The following RNF180 variants were observed in gnomAD, a reference collection of about 807,000 sequenced individuals.
The protein encoded by RNF180 is E3 ubiquitin-protein ligase RNF180.
A neutral mutation model predicts 59.2 loss-of-function variants in RNF180; 38 were observed. That is an observed-to-expected ratio of 0.64 (90% CI 0.50 to 0.84). The LOEUF is 0.84. Among genes scored for constraint, RNF180 ranks in the 40% least tolerant of loss-of-function variants. The pLI is 0.00. For missense variants in RNF180, 705 were observed against 700.9 expected (o/e 1.01, Z -0.07); for synonymous variants, 262 against 240.3 (o/e 1.09, Z -0.84).
intron 7 of RNF180, among the ~76,000 whole-genome samples, chr5:64,356,698 C>T (rs1258551770): frequency 6.6e-6 from 1 of 151,782 alleles, no homozygotes; most frequent in Non-Finnish European, 1.5e-5. Context: ...CTGATACATA[C>T]TGCAATATGG....
intron 5 of RNF180, among the ~76,000 whole-genome samples, chr5:64,287,743 G>T (rs902805707): frequency 3.3e-5 from 5 of 152,016 alleles, no homozygotes; most frequent in African/African-American, 1.2e-4. Flanking sequence ...GTCTGTTTAT[G>T]TCCTTTGCCC....
intron 5 of RNF180, among the ~76,000 whole-genome samples, chr5:64,249,292 CAGAG>C (rs777064184): frequency 2.9e-4 from 44 of 152,116 alleles, no homozygotes; most frequent in Middle Eastern, 6.8e-3. Flanking sequence ...AACTTAAAGA[CAGAG>C]AGGATTCTAA....
chr5:64,364,950 C>A (rs1746392333), intron 7 of RNF180, among the ~76,000 whole-genome samples: 1 of 149,602 alleles, frequency 6.7e-6, no homozygotes, highest in Admixed American at 6.7e-5. Context: ...TTACTTGGAT[C>A]TTCTCTTTTA....
intron 5 of RNF180, among the ~76,000 whole-genome samples, chr5:64,280,587 G>A: frequency 6.8e-6 from 1 of 146,626 alleles, no homozygotes; most frequent in Non-Finnish European, 1.5e-5. Flanking sequence ...TTTTTTTTTT[G>A]TCGACTTTGT....
chr5:64,193,212 A>G (rs1192993541), intron 1 of RNF180, among the ~76,000 whole-genome samples: 1 of 151,954 alleles, frequency 6.6e-6, no homozygotes, highest in Non-Finnish European at 1.5e-5. Context: ...CTGATGTGCA[A>G]TATATTACCT....
chr5:64,350,881 T>A (rs1012491163), intron 7 of RNF180, among the ~76,000 whole-genome samples: 3 of 152,204 alleles, frequency 2.0e-5, no homozygotes, highest in Non-Finnish European at 4.4e-5. Context: ...AGGATTGACT[T>A]GGCAATGCGG....
At chr5:64,361,380 G>T (rs1490809133) in intron 7 of RNF180, among the ~76,000 whole-genome samples, 1 of 151,400 alleles carries the variant, frequency 6.6e-6, no homozygotes, top group African/African-American at 2.4e-5. Flanking sequence ...AAATTCACAA[G>T]TTGAATTTAT....
intron 1 of RNF180, among the ~76,000 whole-genome samples, chr5:64,196,433 G>A (rs1751461533): frequency 6.6e-6 from 1 of 151,818 alleles, no homozygotes; most frequent in South Asian, 2.1e-4. Context: ...GGTGTTTTTT[G>A]GTTTTGTTTT....
chr5:64,278,779 CTATT>C (rs1428726057), intron 5 of RNF180, among the ~76,000 whole-genome samples: 4 of 152,018 alleles, frequency 2.6e-5, no homozygotes, highest in South Asian at 2.1e-4. Context: ...AGATGGATAT[CTATT>C]TATTTAAATT....
chr5:64,258,441 G>C (rs1052762512), intron 5 of RNF180, among the ~76,000 whole-genome samples: 1 of 152,148 alleles, frequency 6.6e-6, no homozygotes, highest in Non-Finnish European at 1.5e-5. Flanking sequence ...AAAATGATAT[G>C]ATGCATTGAC....
At chr5:64,345,248 GCTTA>G (rs1382872316) in intron 7 of RNF180, among the ~76,000 whole-genome samples, 2 of 152,072 alleles carry the variant, frequency 1.3e-5, no homozygotes, top group East Asian at 3.9e-4. Context: ...AGCACCTTTG[GCTTA>G]CTTATATATG....
At chr5:64,293,253 G>A (rs1177339351) in intron 5 of RNF180, among the ~76,000 whole-genome samples, 1 of 152,110 alleles carries the variant, frequency 6.6e-6, no homozygotes, top group Non-Finnish European at 1.5e-5. Flanking sequence ...GCTCCTGGGG[G>A]GGCTGTTGTC....
Position 64,179,441 on chromosome 5 carries a change from A to G in RNF180, c.-1+13488A>G, listed in dbSNP as rs947209233. Among the ~76,000 whole-genome samples, 12 of 84,124 alleles carry G rather than the reference A, an allele frequency of 1.4e-4. No homozygotes were observed. In the South Asian group the frequency reaches 3.2e-3, roughly 23 times the overall value. 55.2% of individuals were successfully genotyped at this position (84,124 alleles called of 152,430 possible). ...GCATGTTCTTATGCTTTTGCTACACATGCATGTATCAATAAACAAAATATT... is the reference window on the plus strand; with the variant it reads ...GCATGTTCTTATGCTTTTGCTACACGTGCATGTATCAATAAACAAAATATT... On this transcript the variant is annotated intron_variant, in intron 1 of 7. Coordinates refer to ENST00000389100, the MANE Select transcript of RNF180 (RefSeq NM_001113561.2).
intron 5 of RNF180, among the ~76,000 whole-genome samples, chr5:64,220,515 G>A (rs537345932): frequency 2.6e-5 from 4 of 151,824 alleles, no homozygotes; most frequent in Admixed American, 6.6e-5. Flanking sequence ...AGTGTATTCA[G>A]GAAATTGCCA....
intron 5 of RNF180, among the ~76,000 whole-genome samples, chr5:64,270,048 C>CAA (rs377664854): frequency 0.069 from 10,271 of 149,578 alleles, 501 homozygotes; most frequent in South Asian, 0.15. Context: ...CACACACACA[C>CAA]AAAAGCCTTT....
At chr5:64,288,880 A>G (rs1409166100) in intron 5 of RNF180, among the ~76,000 whole-genome samples, 1 of 152,068 alleles carries the variant, frequency 6.6e-6, no homozygotes, top group Non-Finnish European at 1.5e-5. Context: ...AATACCTTTT[A>G]TTTCTTTCTC....
intron 1 of RNF180, among the ~76,000 whole-genome samples, chr5:64,174,231 A>G (rs1579923525): frequency 1.3e-5 from 2 of 152,182 alleles, no homozygotes; most frequent in Non-Finnish European, 2.9e-5. Context: ...GATTGATTCC[A>G]TATCTTGGGT....
chr5:64,269,645 A>G (rs1437312524), intron 5 of RNF180, among the ~76,000 whole-genome samples: 5 of 152,154 alleles, frequency 3.3e-5, no homozygotes, highest in African/African-American at 1.2e-4. Flanking sequence ...CATTTAAGCT[A>G]AGCTGTGGGA....
chr5:64,326,356 T>C (rs1744644666), intron 6 of RNF180, among the ~76,000 whole-genome samples: 1 of 152,166 alleles, frequency 6.6e-6, no homozygotes, highest in Non-Finnish European at 1.5e-5. Flanking sequence ...AAATCTTATT[T>C]AATAGAAACT....
Sources: allele counts gnomAD v4.1 joint callset (sites outside exome capture counted in the v4.1 genomes callset), GRCh38; gene constraint gnomAD v4.1.1; transcripts MANE v1.5; gene names NCBI Gene and HGNC (gene_info 2026-07-23, HGNC 2026-07-21).